Variants in CDV3 observed in about 807,000 individuals in gnomAD.
CDV3 encodes CDV3 homolog, also known as protein CDV3 homolog.
A neutral mutation model predicts 24.5 loss-of-function variants in CDV3; 14 were observed. The ratio of observed to expected loss-of-function variants is 0.57; its 90% CI spans 0.38 to 0.89. The LOEUF (loss-of-function observed/expected upper bound fraction) is 0.89, where lower values mean the gene tolerates loss of function less well. Ranked by LOEUF, CDV3 falls within the 40% of genes least tolerant of loss-of-function variation. CDV3 has a pLI of 0.00. For missense variants in CDV3, 304 were observed against 310.2 expected (o/e 0.98, Z 0.15); for synonymous variants, 114 against 114.1 (o/e 1.00, Z 0.00).
chr3:133,574,125 G>T lies in CDV3; in HGVS notation c.81G>T (p.Arg27=). Residue 27 remains arginine, a synonymous_variant, in exon 1 of 5, where the codon CGG becomes CGT. Coordinates refer to ENST00000264993, the MANE Select transcript of CDV3 (RefSeq NM_017548.5). ...AGAAGAAGAAGGAGCGGAGCAACCG[G>T]GCGGCGAGTGCCGCGGGCGCAGCGG... ...DKKKKKERSN[R]AASAAGAAGS... is the part of the protein sequence containing the mutation. 1 of 1,199,744 alleles carries T rather than the reference G, an allele frequency of 8.3e-7. No individual in the cohort carries two copies. Among genetic ancestry groups the T allele is most frequent in the Non-Finnish European group, 1.1e-6 (1 of 944,304 alleles). 74.3% of individuals were successfully genotyped at this position (1,199,744 alleles called of 1,614,324 possible). A position where few individuals can be genotyped will look rare whatever the true frequency, so the allele number is the denominator to read the frequency against.
chr3:133,585,252 C>G (rs1933472531), intron 3 of CDV3, among the ~76,000 whole-genome samples: 3 of 152,154 alleles, frequency 2.0e-5, no homozygotes, highest in African/African-American at 7.2e-5. Flanking sequence ...GTTGCCCAGG[C>G]TAGTCTTCAA....
At chr3:133,580,916 C>T (rs999303082) in intron 2 of CDV3, among the ~76,000 whole-genome samples, 25 of 152,062 alleles carry the variant, frequency 1.6e-4, no homozygotes, top group African/African-American at 5.8e-4. Context: ...ACAGATTATG[C>T]TTATTTTTTG....
At position 133,588,024 on chromosome 3, in the gene CDV3, G is replaced by A. The variant is rs558085907; in HGVS notation, c.755G>A (p.Ser252Asn). The A allele has an allele frequency of 1.7e-5, 27 of 1,613,524 alleles. No individual in the cohort carries two copies. In the East Asian group the frequency reaches 5.6e-4, roughly 33 times the overall value. Residue 252 changes from serine (S) to asparagine (N), a missense_variant, in exon 5 of 5, where the codon AGC (serine) becomes AAC (asparagine). Coordinates refer to ENST00000264993, the MANE Select transcript of CDV3 (RefSeq NM_017548.5). Reference protein sequence around the residue: ...NQYAVLENQKSSHSQYN With the variant: ...NQYAVLENQKNSHSQYN ...TATGCTGTGCTTGAAAATCAGAAAA[G>A]CAGCCACTCACAATACAATTAAGGA...
chr3:133,587,045 T>C, intron 4 of CDV3: 1 of 533,382 alleles, frequency 1.9e-6, no homozygotes, highest in Non-Finnish European at 3.1e-6. Flanking sequence ...TTGCTCCTTA[T>C]AATATGGAAA....
chr3:133,580,079 T>G (rs1231559779), intron 2 of CDV3, among the ~76,000 whole-genome samples: 1 of 152,176 alleles, frequency 6.6e-6, no homozygotes, highest in Non-Finnish European at 1.5e-5. Context: ...CATCAACTTG[T>G]CATTTACATT....
Position 133,588,005 on chromosome 3 carries a change from G to A in CDV3, c.736G>A (p.Val246Met). The change falls in exon 5 of 5, where the codon GTG becomes ATG. Residue 246 changes from valine (V) to methionine (M), a missense_variant. This residue lies in a region of CDV3 where 56 missense variants were observed against 50.9 expected (regional missense o/e 1.10). Transcript: ENST00000264993. ...ACTTCAGCTAGACAACCAATATGCT[G>A]TGCTTGAAAATCAGAAAAGCAGCCA... Reference protein sequence around the residue: ...LKLQLDNQYAVLENQKSSHSQ... With the variant: ...LKLQLDNQYAMLENQKSSHSQ... 2 of 1,614,054 alleles carry A rather than the reference G, an allele frequency of 1.2e-6. No individual in the cohort carries two copies. The highest frequency in any genetic ancestry group is 1.7e-6 in the Non-Finnish European group (2 of 1,180,000).
intron 2 of CDV3, among the ~76,000 whole-genome samples, chr3:133,580,522 G>A (rs879701076): frequency 2.6e-5 from 4 of 152,046 alleles, no homozygotes; most frequent in East Asian, 3.9e-4. Flanking sequence ...GGCCAACATG[G>A]TGAAACCCCG....
chr3:133,586,293 A>G (rs1005449609), intron 3 of CDV3, among the ~76,000 whole-genome samples: 1 of 151,966 alleles, frequency 6.6e-6, no homozygotes, highest in Non-Finnish European at 1.5e-5. Context: ...ACAGGGTTTC[A>G]TCATGTTGGC....
Position 133,574,136 on chromosome 3 carries a change from C to G in CDV3, c.92C>G (p.Ala31Gly), listed in dbSNP as rs2074707591. The G allele has an allele frequency of 1.7e-6, 2 of 1,191,776 alleles. No individual in the cohort carries two copies. Among genetic ancestry groups the G allele is most frequent in the African/African-American group, 1.6e-5 (1 of 61,414 alleles). 73.8% of individuals were successfully genotyped at this position (1,191,776 alleles called of 1,614,324 possible). Residue 31 changes from alanine to glycine, a missense_variant, in exon 1 of 5, where the codon GCC becomes GGC. Physicochemically the swap from Ala to Gly is moderately conservative, Grantham distance 60. Coordinates refer to ENST00000264993, the MANE Select transcript of CDV3 (RefSeq NM_017548.5). Reference protein sequence around the residue: ...KKERSNRAASAAGAAGSAGGS... With the variant: ...KKERSNRAASGAGAAGSAGGS... ...GAGCGGAGCAACCGGGCGGCGAGTG[C>G]CGCGGGCGCAGCGGGCAGCGCCGGC... is the stretch of plus-strand genomic sequence containing the variant.
intron 4 of CDV3, among the ~76,000 whole-genome samples, chr3:133,586,968 G>T (rs770610924): frequency 6.6e-6 from 1 of 152,172 alleles, no homozygotes; most frequent in Non-Finnish European, 1.5e-5. Context: ...CTTAGCCCTG[G>T]TTTATGTTGT....
At chr3:133,576,308 C>T (rs1201912474) in intron 2 of CDV3, among the ~76,000 whole-genome samples, 2 of 152,176 alleles carry the variant, frequency 1.3e-5, no homozygotes, top group African/African-American at 4.8e-5. Flanking sequence ...GAGTTTGATT[C>T]CCAACCACTT....
At chr3:133,581,017 A>G (rs1932961623) in intron 2 of CDV3, among the ~76,000 whole-genome samples, 1 of 152,042 alleles carries the variant, frequency 6.6e-6, no homozygotes, top group Admixed American at 6.6e-5. Context: ...TAGACACTAG[A>G]CAGTAAAAAA....
rs1302115719 is a variant in CDV3 at position 133,589,632 on chromosome 3, G to A, written c.*1586G>A. On this transcript the variant is annotated 3_prime_UTR_variant, in exon 5 of 5. Coordinates refer to ENST00000264993, the MANE Select transcript of CDV3 (RefSeq NM_017548.5). Reference sequence around the variant, plus strand: ...CTACTGGCAAGAGTGAAGCAAGTGGGTGAGTAAAACTATTTTGACGTGGGA... The same window carrying A: ...CTACTGGCAAGAGTGAAGCAAGTGGATGAGTAAAACTATTTTGACGTGGGA... 1 of 152,650 alleles carries A rather than the reference G, an allele frequency of 6.6e-6. No individual in the cohort carries two copies. The highest frequency in any genetic ancestry group is 1.5e-5 in the Non-Finnish European group (1 of 68,044). 9.5% of individuals were successfully genotyped at this position (152,650 alleles called of 1,614,324 possible).
chr3:133,576,478 T>G (rs576612563), intron 2 of CDV3, among the ~76,000 whole-genome samples: 2 of 152,332 alleles, frequency 1.3e-5, no homozygotes, highest in South Asian at 2.1e-4. Context: ...CTTAAGTCTT[T>G]TCTTTCCTAA....
In CDV3 at chr3:133,584,163, T is replaced by A. The variant is rs1474279560; in HGVS notation, c.466+13T>A. ...GCTCCAGTAATTGGTAATTTTACTA[T>A]TTCAGTTTCAGAAAGATGTCTAATT... On this transcript the variant is annotated intron_variant, in intron 3 of 4. Coordinates refer to ENST00000264993, the MANE Select transcript of CDV3 (RefSeq NM_017548.5). 2 of 1,573,706 alleles carry A rather than the reference T, an allele frequency of 1.3e-6. No individual in the cohort carries two copies. The highest frequency in any genetic ancestry group is 1.7e-6 in the Non-Finnish European group (2 of 1,158,110).
intron 2 of CDV3, among the ~76,000 whole-genome samples, chr3:133,583,662 A>G (rs2107727945): frequency 6.6e-6 from 1 of 152,286 alleles, no homozygotes; most frequent in East Asian, 1.9e-4. Flanking sequence ...TTCCGGGTTC[A>G]AGGGATTCTC....
chr3:133,574,703 T>A (rs139234808), intron 1 of CDV3: 1 of 1,093,442 alleles, frequency 9.1e-7, no homozygotes, highest in East Asian at 7.1e-5. Flanking sequence ...TGACTTAGTC[T>A]CTAAGCCCGT....
intron 4 of CDV3, chr3:133,587,439 ACT>A (rs1933722320): frequency 1.7e-6 from 2 of 1,162,068 alleles, no homozygotes; most frequent in Non-Finnish European, 2.1e-6. Context: ...GATTCACCAC[ACT>A]CGAGTTTCTT....
Position 133,586,615 on chromosome 3 carries a change from G to A in CDV3, c.519G>A (p.Gly173=), listed in dbSNP as rs1446583493. 6.3e-7 allele frequency: 1 copy of A among 1,599,666 alleles called. No homozygotes were observed. Among genetic ancestry groups the A allele is most frequent in the Non-Finnish European group, 8.6e-7 (1 of 1,167,090 alleles). Residue 173 remains glycine, a synonymous_variant, in exon 4 of 5, where the codon GGG becomes GGA. Coordinates refer to ENST00000264993, the MANE Select transcript of CDV3 (RefSeq NM_017548.5). ...AMTSGVYRPP[G]ARLTTTRKTP... The stretch of plus-strand genomic sequence containing the variant: ...CTAGTGGTGTGTATAGGCCTCCTGG[G>A]GCCAGGTTAACCACAACAAGGAAAA...
Sources: gnomAD v4.1 joint callset for allele counts (sites outside exome capture counted in the v4.1 genomes callset) on GRCh38, gnomAD v4.1.1 for gene constraint, gnomAD v4.1.1 regional missense constraint, MANE v1.5 for transcripts, NCBI Gene and HGNC (gene_info 2026-07-23, HGNC 2026-07-21) for gene names.